The following KHDRBS3 variants were observed in gnomAD, a reference collection of about 807,000 sequenced individuals.
KHDRBS3 encodes KH domain-containing, RNA-binding, signal transduction-associated protein 3.
In KHDRBS3, 23 loss-of-function variants were observed where a neutral mutation model predicts 45.6. That is an observed-to-expected ratio of 0.50 (90% CI 0.36 to 0.72). KHDRBS3 has a LOEUF of 0.72. Ranked by LOEUF, KHDRBS3 falls within the 30% of genes least tolerant of loss-of-function variation. The pLI is 0.00. For synonymous variants in KHDRBS3, 162 were observed against 156.5 expected, an observed-to-expected ratio of 1.04 and a Z score of -0.26; for missense variants, 352 against 424.8, an observed-to-expected ratio of 0.83 and a Z score of 1.51.
chr8:135,522,356 G>A (rs1050448795), intron 2 of KHDRBS3, among the ~76,000 whole-genome samples: 6 of 152,052 alleles, frequency 3.9e-5, no homozygotes, highest in Non-Finnish European at 5.9e-5. Flanking sequence ...TCATTGATAG[G>A]GATTTGGGTT....
At chr8:135,519,160 G>A (rs1563738453) in intron 1 of KHDRBS3, among the ~76,000 whole-genome samples, 1 of 152,062 alleles carries the variant, frequency 6.6e-6, no homozygotes, top group Non-Finnish European at 1.5e-5. Context: ...CCTTCTCTTA[G>A]CCATCCTTTC....
chr8:135,571,624 C>T (rs931671376), intron 5 of KHDRBS3, among the ~76,000 whole-genome samples: 1 of 151,924 alleles, frequency 6.6e-6, no homozygotes, highest in Non-Finnish European at 1.5e-5. Context: ...AGGGAGAGAG[C>T]GGATATGAAC....
chr8:135,646,930 GA>G, intron 8 of KHDRBS3, 62 bp from the exon 9 acceptor site: 1 of 915,334 alleles, frequency 1.1e-6, no homozygotes, highest in Non-Finnish European at 1.8e-6. Flanking sequence ...GTTAGAGTCT[GA>G]AAAATGAAGC....
intron 1 of KHDRBS3, among the ~76,000 whole-genome samples, chr8:135,484,519 G>A (rs1254715558): frequency 3.3e-5 from 5 of 152,192 alleles, no homozygotes; most frequent in Non-Finnish European, 7.3e-5. Context: ...AGTTTCCAGC[G>A]GTTGCTCACA....
At chr8:135,530,468 G>A (rs12675350) in intron 2 of KHDRBS3, among the ~76,000 whole-genome samples, 84,123 of 152,032 alleles carry the variant, frequency 0.55, 24,380 homozygotes, top group East Asian at 0.78. Flanking sequence ...ATGAAAAATG[G>A]ACACATAATA....
rs201592943 is a variant in KHDRBS3, at chr8:135,637,405, C to CATG, written c.891-7652_891-7650dup. On this transcript the variant is annotated intron_variant, in intron 7 of 8. Transcript: ENST00000355849. Reference sequence around the variant, plus strand: ...GTCTAGAGCAATTACCTGGATTATGCATGACTCTTTACATTTTTCCTATCA... The same window carrying CATG: ...GTCTAGAGCAATTACCTGGATTATGCATGATGACTCTTTACATTTTTCCTATCA... 1.7e-3 allele frequency among the ~76,000 whole-genome samples: 252 copies of CATG among 152,288 alleles called. 5 individuals carry two copies. The East Asian group carries it at 0.034, about 21-fold the overall frequency.
intron 5 of KHDRBS3, among the ~76,000 whole-genome samples, chr8:135,557,959 T>C (rs1826972929): frequency 6.6e-6 from 1 of 152,220 alleles, no homozygotes; most frequent in Non-Finnish European, 1.5e-5. Flanking sequence ...AGCTGATGAT[T>C]CTAGGTGAAT....
chr8:135,488,370 C>T (rs960303256), intron 1 of KHDRBS3, among the ~76,000 whole-genome samples: 1 of 152,054 alleles, frequency 6.6e-6, no homozygotes, highest in East Asian at 1.9e-4. Context: ...CAGGAGGAAC[C>T]ATATTTATTT....
intron 7 of KHDRBS3, among the ~76,000 whole-genome samples, chr8:135,621,704 C>CAA (rs60054576): frequency 1.5e-5 from 2 of 133,252 alleles, no homozygotes; most frequent in Admixed American, 1.5e-4. Context: ...CAGAAGAGCA[C>CAA]AAAAAAAAAA....
intron 1 of KHDRBS3, among the ~76,000 whole-genome samples, chr8:135,469,046 C>T (rs938646361): frequency 6.6e-6 from 1 of 152,212 alleles, no homozygotes; most frequent in Non-Finnish European, 1.5e-5. Context: ...GCACATGGCC[C>T]CTGCTTTGGT....
intron 1 of KHDRBS3, among the ~76,000 whole-genome samples, chr8:135,475,062 G>A (rs1563704568): frequency 6.6e-6 from 1 of 152,102 alleles, no homozygotes; most frequent in Non-Finnish European, 1.5e-5. Context: ...TTTTCCATTT[G>A]TAAGGTCCTT....
At chr8:135,472,095 A>G (rs1822047831) in intron 1 of KHDRBS3, among the ~76,000 whole-genome samples, 1 of 152,192 alleles carries the variant, frequency 6.6e-6, no homozygotes, top group Non-Finnish European at 1.5e-5. Context: ...AATGCAAGTG[A>G]AAGAAGATTG....
intron 7 of KHDRBS3, among the ~76,000 whole-genome samples, chr8:135,641,712 A>C (rs536396593): frequency 7.9e-4 from 120 of 152,214 alleles, no homozygotes; most frequent in Non-Finnish European, 1.4e-3. Flanking sequence ...CCACACTCCC[A>C]AGGTGGCACT....
intron 1 of KHDRBS3, among the ~76,000 whole-genome samples, chr8:135,516,618 A>G (rs1824622469): frequency 6.7e-6 from 1 of 148,864 alleles, no homozygotes; most frequent in African/African-American, 2.5e-5. Context: ...TGCATTTGGT[A>G]CCGATCTTTG....
At chr8:135,588,920 C>T (rs954031195) in intron 6 of KHDRBS3, among the ~76,000 whole-genome samples, 1 of 152,136 alleles carries the variant, frequency 6.6e-6, no homozygotes, top group African/African-American at 2.4e-5. Flanking sequence ...CCCAGAGTTT[C>T]TTGTTAAGAT....
chr8:135,590,393 A>G (rs1586767940), intron 6 of KHDRBS3, among the ~76,000 whole-genome samples: 1 of 152,146 alleles, frequency 6.6e-6, no homozygotes, highest in Non-Finnish European at 1.5e-5. Flanking sequence ...TTTTATGCAG[A>G]CTATTTAACC....
chr8:135,462,717 C>T (rs932887278), intron 1 of KHDRBS3, among the ~76,000 whole-genome samples: 9 of 152,254 alleles, frequency 5.9e-5, no homozygotes, highest in African/African-American at 1.9e-4. Flanking sequence ...AAGATTCTGA[C>T]AGCTAAAGTG....
At chr8:135,597,033 AATAATTAGAT>A (rs1191876700) in intron 6 of KHDRBS3, among the ~76,000 whole-genome samples, 1 of 152,200 alleles carries the variant, frequency 6.6e-6, no homozygotes, top group Non-Finnish European at 1.5e-5. Context: ...AATAAACTAT[AATAATTAGAT>A]GTAATTAGAT....
intron 1 of KHDRBS3, among the ~76,000 whole-genome samples, chr8:135,487,553 G>C (rs1198422476): frequency 6.6e-6 from 1 of 152,214 alleles, no homozygotes; most frequent in African/African-American, 2.4e-5. Flanking sequence ...CATGGTGGAA[G>C]CGTGCCCCAA....
Sources: allele counts gnomAD v4.1 joint callset (sites outside exome capture counted in the v4.1 genomes callset), GRCh38; gene constraint gnomAD v4.1.1; transcripts MANE v1.5; gene names NCBI Gene and HGNC (gene_info 2026-07-23, HGNC 2026-07-21).